The following LDLRAD3 variants were observed in gnomAD, a reference collection of about 807,000 sequenced individuals.
The protein encoded by LDLRAD3 is low density lipoprotein receptor class A domain containing 3, also known as low-density lipoprotein receptor class A domain-containing protein 3.
Under a neutral mutation model 29.4 loss-of-function variants are expected in LDLRAD3, and 20 were observed. The ratio of observed to expected loss-of-function variants is 0.68; its 90% CI spans 0.48 to 0.99. The LOEUF (loss-of-function observed/expected upper bound fraction) is 0.99, where lower values mean the gene tolerates loss of function less well. Among genes scored for constraint, LDLRAD3 ranks in the 50% least tolerant of loss-of-function variants. The pLI is 0.00. For synonymous variants in LDLRAD3, 157 were observed against 192.7 expected (o/e 0.81, Z 1.53); for missense variants, 420 against 454.3 (o/e 0.92, Z 0.69).
At chr11:36,150,996 T>C (rs1382083529) in intron 4 of LDLRAD3, among the ~76,000 whole-genome samples, 1 of 152,108 alleles carries the variant, frequency 6.6e-6, no homozygotes, top group Non-Finnish European at 1.5e-5. Flanking sequence ...AATCTCTTAC[T>C]GGACATGGAA....
At chr11:35,965,298 G>A (rs1851326138) in intron 1 of LDLRAD3, among the ~76,000 whole-genome samples, 1 of 152,174 alleles carries the variant, frequency 6.6e-6, no homozygotes, top group African/African-American at 2.4e-5. Flanking sequence ...CCTGTAAGTG[G>A]AATAAGTTTA....
chr11:36,178,241 C>G (rs1229255324), intron 4 of LDLRAD3, among the ~76,000 whole-genome samples: 2 of 152,196 alleles, frequency 1.3e-5, no homozygotes, highest in Admixed American at 1.3e-4. Context: ...GCCCTTGCCT[C>G]CAACTCTATG....
chr11:35,982,848 CTTTTTT>C lies in LDLRAD3; in HGVS notation c.46+38722_46+38727del, dbSNP rs61605411. Among the ~76,000 whole-genome samples, 413 of 88,742 alleles carry C rather than the reference CTTTTTT, an allele frequency of 4.7e-3. No individual in the cohort carries two copies. The Middle Eastern group carries it at 0.07, about 15-fold the overall frequency. The allele number at this position is 88,742 out of a possible 152,430, so 58.2% of individuals were successfully genotyped here. A position where few individuals can be genotyped will look rare whatever the true frequency, so the allele number is the denominator to read the frequency against. Reference sequence around the variant, plus strand: ...TGTCTGTGTTTAGGCCTGTTTGCTGCTTTTTTTTTTTTTTTTTTTTTTTGAGACGGA... The same window carrying C: ...TGTCTGTGTTTAGGCCTGTTTGCTGCTTTTTTTTTTTTTTTTTGAGACGGA... On this transcript the variant is annotated intron_variant, in intron 1 of 5. Transcript: ENST00000315571.
chr11:36,071,753 A>C (rs1375384111), intron 2 of LDLRAD3, among the ~76,000 whole-genome samples: 2 of 152,222 alleles, frequency 1.3e-5, no homozygotes, highest in Non-Finnish European at 2.9e-5. Flanking sequence ...TGAACAAGAC[A>C]GTGGCCCTTT....
chr11:36,177,874 G>A (rs190776941), intron 4 of LDLRAD3, among the ~76,000 whole-genome samples: 7 of 152,294 alleles, frequency 4.6e-5, no homozygotes, highest in Admixed American at 6.5e-5. Flanking sequence ...ACCTAAGGTC[G>A]CCTGGATAAG....
At chr11:36,110,718 A>G (rs1330212243) in intron 4 of LDLRAD3, among the ~76,000 whole-genome samples, 1 of 152,216 alleles carries the variant, frequency 6.6e-6, no homozygotes, top group Non-Finnish European at 1.5e-5. Flanking sequence ...ACTATTATAG[A>G]TCAGCTCAAA....
intron 4 of LDLRAD3, among the ~76,000 whole-genome samples, chr11:36,129,544 T>G (rs1437990348): frequency 6.6e-6 from 1 of 152,196 alleles, no homozygotes; most frequent in African/African-American, 2.4e-5. Context: ...TGTTCTGCAC[T>G]CAGATTTTAT....
chr11:36,127,901 A>G (rs1390936110), intron 4 of LDLRAD3, among the ~76,000 whole-genome samples: 2 of 151,622 alleles, frequency 1.3e-5, no homozygotes, highest in African/African-American at 4.8e-5. Flanking sequence ...ACTTGCCTTT[A>G]CTTTCCCTGG....
chr11:36,034,291 G>A (rs1047342074), intron 1 of LDLRAD3, among the ~76,000 whole-genome samples: 3 of 152,194 alleles, frequency 2.0e-5, no homozygotes, highest in Non-Finnish European at 2.9e-5. Context: ...GGGCAAGCTG[G>A]CAGGCAGGGA....
At chr11:35,998,283 G>C (rs1312291767) in intron 1 of LDLRAD3, among the ~76,000 whole-genome samples, 1 of 152,184 alleles carries the variant, frequency 6.6e-6, no homozygotes, top group East Asian at 1.9e-4. Flanking sequence ...ATTATCATCT[G>C]TTGTGGCAGA....
At chr11:35,971,994 G>T (rs58797343) in intron 1 of LDLRAD3, among the ~76,000 whole-genome samples, 4 of 152,256 alleles carry the variant, frequency 2.6e-5, no homozygotes, top group African/African-American at 9.6e-5. Context: ...CTGCCGGTGT[G>T]GGGGAGGAGT....
chr11:36,059,491 T>C (rs774766555), intron 2 of LDLRAD3, among the ~76,000 whole-genome samples: 6 of 152,110 alleles, frequency 3.9e-5, no homozygotes, highest in African/African-American at 1.2e-4. Flanking sequence ...CTCTGATTCA[T>C]TGTACCCTCC....
chr11:36,174,737 T>G (rs1192999403), intron 4 of LDLRAD3, among the ~76,000 whole-genome samples: 1 of 152,062 alleles, frequency 6.6e-6, no homozygotes, highest in Non-Finnish European at 1.5e-5. Context: ...ATCCCAGTAC[T>G]TTGGGAGGCT....
In LDLRAD3 at chr11:36,115,297, A is replaced by T. The variant is rs575239226; in HGVS notation, c.454+16836A>T. Among the ~76,000 whole-genome samples, 65 of 152,342 alleles carry T rather than the reference A, an allele frequency of 4.3e-4. 1 individual carries two copies. The highest frequency in any genetic ancestry group is 8.5e-4 in the Non-Finnish European group (58 of 68,026). On this transcript the variant is annotated intron_variant, in intron 4 of 5. Transcript: ENST00000315571. Reference sequence around the variant, plus strand: ...TAAACCATAGAAACTGTGAGAGATGATAAAGATGGTGTTAAATTTGGGGAT... The same window carrying T: ...TAAACCATAGAAACTGTGAGAGATGTTAAAGATGGTGTTAAATTTGGGGAT...
chr11:36,038,488 G>A (rs1180299566), intron 2 of LDLRAD3, among the ~76,000 whole-genome samples: 1 of 152,216 alleles, frequency 6.6e-6, no homozygotes, highest in African/African-American at 2.4e-5. Context: ...AAGAACGCAG[G>A]ATTAAGGAGT....
intron 1 of LDLRAD3, among the ~76,000 whole-genome samples, chr11:36,028,004 C>T (rs1330700938): frequency 6.6e-6 from 1 of 152,174 alleles, no homozygotes; most frequent in Non-Finnish European, 1.5e-5. Flanking sequence ...CAGGTCTGAC[C>T]GGCAGCCAGC....
At chr11:36,142,269 C>T (rs1439625028) in intron 4 of LDLRAD3, among the ~76,000 whole-genome samples, 1 of 152,190 alleles carries the variant, frequency 6.6e-6, no homozygotes, top group East Asian at 1.9e-4. Context: ...ACTGCAGTCT[C>T]CCTCATTCAC....
chr11:36,038,823 G>T (rs1378348366), intron 2 of LDLRAD3, among the ~76,000 whole-genome samples: 2 of 151,964 alleles, frequency 1.3e-5, no homozygotes, highest in Non-Finnish European at 2.9e-5. Flanking sequence ...AAAACCATGC[G>T]CCCCAAACAT....
At chr11:36,052,663 G>T (rs879701343) in intron 2 of LDLRAD3, among the ~76,000 whole-genome samples, 12 of 152,122 alleles carry the variant, frequency 7.9e-5, no homozygotes, top group Admixed American at 5.9e-4. Flanking sequence ...TTCCTTATCT[G>T]TGAAATAGGG....
Sources: allele counts gnomAD v4.1 joint callset (sites outside exome capture counted in the v4.1 genomes callset), GRCh38; gene constraint gnomAD v4.1.1; transcripts MANE v1.5; gene names NCBI Gene and HGNC (gene_info 2026-07-23, HGNC 2026-07-21).